Variants in ARHGEF7 observed in about 807,000 individuals in gnomAD.
ARHGEF7 encodes PAK-interacting exchange factor beta.
A neutral mutation model predicts 109.8 loss-of-function variants in ARHGEF7; 33 were observed. That is an observed-to-expected ratio of 0.30 (90% confidence interval 0.23 to 0.40). The LOEUF (loss-of-function observed/expected upper bound fraction) is 0.40. Ranked by LOEUF, ARHGEF7 falls within the 10% of genes least tolerant of loss-of-function variation. ARHGEF7 has a pLI of 1.00. For missense variants in ARHGEF7, 938 were observed against 1,098.5 expected (o/e 0.85, Z 2.07); for synonymous variants, 458 against 424.6 (o/e 1.08, Z -0.97).
At chr13:111,274,890 T>C in intron 11 of ARHGEF7, 100 bp downstream of exon 11, 1 of 834,410 alleles carries the variant, frequency 1.2e-6, no homozygotes, top group Non-Finnish European at 1.7e-6. Flanking sequence ...AAAAAATGAC[T>C]TGTGCTGACA....
intron 1 of ARHGEF7, among the ~76,000 whole-genome samples, chr13:111,127,648 G>GAAAA (rs71206956): frequency 3.9e-3 from 152 of 39,360 alleles, no homozygotes; most frequent in East Asian, 7.3e-3. Context: ...CTCTGTTTCA[G>GAAAA]AAAAAAAAAA....
rs537507150 is a variant in ARHGEF7 at position 111,116,036 on chromosome 13, G to A, written c.165+345G>A. 2.5e-3 allele frequency among the ~76,000 whole-genome samples: 384 copies of A among 152,322 alleles called. 1 individual carries two copies. Among genetic ancestry groups the A allele is most frequent in the Non-Finnish European group, 3.7e-3 (253 of 68,014 alleles). ...GGGGGGCCGGCCCCGCTCCCTGGCA[G>A]CAGCCGCATCGGAAACCGCGTTCCG... On this transcript the variant is annotated intron_variant, in intron 1 of 21. Coordinates refer to ENST00000646102, the MANE Select transcript of ARHGEF7 (RefSeq NM_001354046.2).
At chr13:111,174,726 C>A (rs186868142) in intron 2 of ARHGEF7, among the ~76,000 whole-genome samples, 94 of 152,292 alleles carry the variant, frequency 6.2e-4, no homozygotes, top group African/African-American at 2.2e-3. Flanking sequence ...GTGTCCACAC[C>A]CCGTGCCTCA....
chr13:111,208,103 T>C (rs2082097873), intron 3 of ARHGEF7, among the ~76,000 whole-genome samples: 2 of 152,214 alleles, frequency 1.3e-5, no homozygotes. Context: ...TGCAATGGCA[T>C]GATCTTGGCT....
In ARHGEF7 at chr13:111,205,949, A is replaced by G. The variant is rs150574216; in HGVS notation, c.337+576A>G. On this transcript the variant is annotated intron_variant, in intron 3 of 21. Coordinates refer to ENST00000646102, the MANE Select transcript of ARHGEF7 (RefSeq NM_001354046.2). ...GCCACAGCGAAGACAGGAGTTGTTC[A>G]GACAGGTCCTCTGAGGGAAGGTGCA... 3.2e-3 allele frequency among the ~76,000 whole-genome samples: 487 copies of G among 152,206 alleles called. 1 individual carries two copies. Among genetic ancestry groups the G allele is most frequent in the South Asian group, 0.011 (53 of 4,814 alleles).
chr13:111,208,332 G>C (rs1021414326), intron 3 of ARHGEF7, among the ~76,000 whole-genome samples: 4 of 152,166 alleles, frequency 2.6e-5, no homozygotes, highest in African/African-American at 9.7e-5. Flanking sequence ...GAGCCACTGC[G>C]CCTGGCCTCG....
intron 2 of ARHGEF7, among the ~76,000 whole-genome samples, chr13:111,199,586 G>C (rs764182182): frequency 6.6e-6 from 1 of 152,202 alleles, no homozygotes; most frequent in South Asian, 2.1e-4. Flanking sequence ...GTCCAAATGA[G>C]TCCTCCTTTT....
intron 8 of ARHGEF7, among the ~76,000 whole-genome samples, chr13:111,263,589 C>T (rs890576731): frequency 1.3e-5 from 2 of 152,190 alleles, no homozygotes; most frequent in Non-Finnish European, 1.5e-5. Flanking sequence ...AGCACATATC[C>T]AATAACTTTC....
At chr13:111,129,449 A>G (rs1369696545) in intron 1 of ARHGEF7, among the ~76,000 whole-genome samples, 1 of 152,248 alleles carries the variant, frequency 6.6e-6, no homozygotes, top group African/African-American at 2.4e-5. Flanking sequence ...GACAGTCTAT[A>G]TATTGGAAGA....
intron 15 of ARHGEF7, among the ~76,000 whole-genome samples, chr13:111,282,064 G>C (rs780480423): frequency 1.1e-4 from 17 of 152,202 alleles, no homozygotes; most frequent in Non-Finnish European, 5.9e-5. Context: ...TATTTCCTAT[G>C]AAAAGATGAC....
chr13:111,156,348 A>T (rs76364861), intron 2 of ARHGEF7, among the ~76,000 whole-genome samples: 1,567 of 152,334 alleles, frequency 0.01, 11 homozygotes, highest in Middle Eastern at 0.027. Context: ...TAAAGTAAAA[A>T]ATTAGTTTTG....
intron 1 of ARHGEF7, among the ~76,000 whole-genome samples, chr13:111,125,357 C>T (rs1220738029): frequency 6.8e-6 from 1 of 146,504 alleles, no homozygotes; most frequent in Non-Finnish European, 1.5e-5. Context: ...GTATTTTGTG[C>T]ATAACTTTAT....
At chr13:111,125,556 G>A (rs1440304046) in intron 1 of ARHGEF7, among the ~76,000 whole-genome samples, 1 of 152,140 alleles carries the variant, frequency 6.6e-6, no homozygotes. Context: ...TTGGATTTGC[G>A]TGTTCTCTCG....
chr13:111,183,278 A>G (rs1020692168), intron 2 of ARHGEF7, among the ~76,000 whole-genome samples: 13 of 152,138 alleles, frequency 8.5e-5, no homozygotes, highest in Non-Finnish European at 1.5e-4. Flanking sequence ...ACTGGGAGTT[A>G]GAAATTAAGT....
intron 5 of ARHGEF7, among the ~76,000 whole-genome samples, chr13:111,223,251 T>A (rs1169245504): frequency 6.6e-6 from 1 of 152,186 alleles, no homozygotes; most frequent in Non-Finnish European, 1.5e-5. Context: ...TTGAAGAGTG[T>A]GTTAAATGTA....
At chr13:111,208,129 C>G (rs1170145463) in intron 3 of ARHGEF7, among the ~76,000 whole-genome samples, 1 of 152,228 alleles carries the variant, frequency 6.6e-6, no homozygotes, top group Non-Finnish European at 1.5e-5. Flanking sequence ...CAACCTCCGC[C>G]TCCTGGATTC....
chr13:111,148,049 A>G (rs2075701440), intron 1 of ARHGEF7, among the ~76,000 whole-genome samples: 1 of 152,164 alleles, frequency 6.6e-6, no homozygotes, highest in Admixed American at 6.5e-5. Context: ...TCTCTGCAGA[A>G]TTTAGGTTTC....
intron 6 of ARHGEF7, among the ~76,000 whole-genome samples, chr13:111,242,870 G>C (rs991527574): frequency 7.9e-5 from 12 of 152,198 alleles, no homozygotes; most frequent in African/African-American, 2.9e-4. Context: ...TTCACATCCA[G>C]GTGCCTTCTC....
chr13:111,169,934 C>T lies in ARHGEF7; in HGVS notation c.252+15943C>T, dbSNP rs2077445980. 3.3e-5 allele frequency among the ~76,000 whole-genome samples: 5 copies of T among 152,104 alleles called. No individual in the cohort carries two copies. In the South Asian group the frequency reaches 8.3e-4, roughly 25 times the overall value. On this transcript the variant is annotated intron_variant, in intron 2 of 21. Transcript: ENST00000646102. Reference sequence around the variant, plus strand: ...GTCATGCGCAACAACTGCAGAATATCAGGGGGTGAGGTGAGAGAGCACCTG... The same window carrying T: ...GTCATGCGCAACAACTGCAGAATATTAGGGGGTGAGGTGAGAGAGCACCTG...
Sources: allele counts gnomAD v4.1 joint callset (sites outside exome capture counted in the v4.1 genomes callset), GRCh38; gene constraint gnomAD v4.1.1; transcripts MANE v1.5; gene names NCBI Gene and HGNC (gene_info 2026-07-23, HGNC 2026-07-21).